LTBP1: variants seen among roughly 807,000 people sequenced by gnomAD.
LTBP1 encodes the protein latent-transforming growth factor beta-binding protein 1.
LTBP1 carries 129 observed loss-of-function variants against 207.6 expected under a neutral mutation model. The ratio of observed to expected loss-of-function variants is 0.62; its 90% confidence interval spans 0.54 to 0.72. LTBP1 has a LOEUF of 0.72. LTBP1 is among the 30% of genes least tolerant of loss of function. The pLI, the probability that LTBP1 is intolerant of heterozygous loss-of-function variation, is 0.00. For synonymous variants in LTBP1, 963 were observed against 833.7 expected, an observed-to-expected ratio of 1.16 and a Z score of -2.67; for missense variants, 2,281 against 2,217.2, an observed-to-expected ratio of 1.03 and a Z score of -0.58.
In LTBP1 at chr2:33,396,469, G is replaced by A. The variant is rs149614405; in HGVS notation, c.4835-664G>A. On this transcript the variant is annotated intron_variant, in intron 32 of 33. Transcript: ENST00000404816. ...ACTCCTGGCCTCAGGCGATCTGCCC[G>A]CCTCAGCCTCCCAAAGTGCTGGGAT... Among the ~76,000 whole-genome samples, 364 of 152,256 alleles carry A rather than the reference G, an allele frequency of 2.4e-3. 2 individuals carry two copies. The highest frequency in any genetic ancestry group is 7.1e-3 in the African/African-American group (294 of 41,550).
rs148755331 is a variant in LTBP1, at chr2:33,077,437, C to A, written c.864-33145C>A. Among the ~76,000 whole-genome samples, 761 of 152,292 alleles carry A rather than the reference C, an allele frequency of 5.0e-3. 4 individuals carry two copies. Among genetic ancestry groups the A allele is most frequent in the Non-Finnish European group, 9.0e-3 (610 of 68,016 alleles). ...ACAGGAAGCACGGCAGCATCTGCTT[C>A]TGGGGAGGCCTCAGGAGCTTTTACT... is the stretch of plus-strand genomic sequence containing the variant. On this transcript the variant is annotated intron_variant, in intron 3 of 33. Transcript: ENST00000404816.
intron 7 of LTBP1, among the ~76,000 whole-genome samples, chr2:33,190,307 C>T (rs902985746): frequency 2.6e-5 from 4 of 152,014 alleles, no homozygotes; most frequent in Admixed American, 6.5e-5. Flanking sequence ...TATTATTATT[C>T]CTCTGCGATG....
intron 15 of LTBP1, among the ~76,000 whole-genome samples, 180 bp from the exon 16 acceptor site, chr2:33,273,476 T>A (rs1356547268): frequency 6.6e-6 from 1 of 152,188 alleles, no homozygotes; most frequent in Non-Finnish European, 1.5e-5. Flanking sequence ...GACTAACTAA[T>A]CCATTATAAA....
chr2:32,997,361 T>C (rs1044530925), intron 2 of LTBP1, among the ~76,000 whole-genome samples: 5 of 152,082 alleles, frequency 3.3e-5, no homozygotes, highest in African/African-American at 9.7e-5. Context: ...AATAAAAAAA[T>C]TTGCAAGGCA....
At chr2:33,376,074 T>A (rs185678217) in intron 31 of LTBP1, among the ~76,000 whole-genome samples, 5 of 152,200 alleles carry the variant, frequency 3.3e-5, no homozygotes, top group Non-Finnish European at 7.4e-5. Flanking sequence ...TTTGAACACT[T>A]TGGTCTCCAT....
intron 4 of LTBP1, among the ~76,000 whole-genome samples, chr2:33,117,279 G>A (rs1379068860): frequency 3.9e-5 from 6 of 152,160 alleles, no homozygotes; most frequent in Non-Finnish European, 8.8e-5. Flanking sequence ...TTAATACTAT[G>A]GTTGAATGTC....
chr2:33,293,300 G>GTA lies in LTBP1; in HGVS notation c.3235+19_3235+20insAT. 1.9e-6 allele frequency: 3 copies of GTA among 1,576,526 alleles called. No individual in the cohort carries two copies. The African/African-American group carries it at 4.1e-5, about 22-fold the overall frequency. Reference sequence around the variant, plus strand: ...CTGTAGAGGTAAATACTGTGATCAAGTTTCCCATTTTTATTTAAACTTCAT... The same window carrying GTA: ...CTGTAGAGGTAAATACTGTGATCAAGTATTTCCCATTTTTATTTAAACTTCAT... On this transcript the variant is annotated intron_variant, in intron 20 of 33. Coordinates refer to ENST00000404816, the MANE Select transcript of LTBP1 (RefSeq NM_206943.4).
At chr2:33,154,354 C>T (rs565912749) in intron 5 of LTBP1, among the ~76,000 whole-genome samples, 1 of 152,276 alleles carries the variant, frequency 6.6e-6, no homozygotes, top group East Asian at 1.9e-4. Context: ...GTATTCCAAA[C>T]ACTCATTTCT....
intron 7 of LTBP1, among the ~76,000 whole-genome samples, chr2:33,200,808 TG>T (rs1173080015): frequency 6.6e-6 from 1 of 152,036 alleles, no homozygotes; most frequent in Non-Finnish European, 1.5e-5. Flanking sequence ...CATCAAAAAG[TG>T]GGCGAAGGAT....
intron 16 of LTBP1, among the ~76,000 whole-genome samples, chr2:33,273,988 G>A (rs1202237152): frequency 6.6e-6 from 1 of 151,918 alleles, no homozygotes; most frequent in Non-Finnish European, 1.5e-5. Context: ...TGTTTACCTC[G>A]CAAATGTAAT....
intron 4 of LTBP1, among the ~76,000 whole-genome samples, chr2:33,131,110 C>G (rs112953879): frequency 2.6e-5 from 4 of 152,312 alleles, no homozygotes; most frequent in African/African-American, 9.6e-5. Flanking sequence ...TCCTGTGAGT[C>G]TTGGATCTCT....
chr2:32,977,004 G>T (rs1267746897), intron 2 of LTBP1, among the ~76,000 whole-genome samples: 1 of 152,236 alleles, frequency 6.6e-6, no homozygotes, highest in South Asian at 2.1e-4. Context: ...AGCATGCCTG[G>T]CCCCTCTGCC....
At chr2:33,242,624 C>T (rs1244622862) in intron 9 of LTBP1, among the ~76,000 whole-genome samples, 1 of 151,318 alleles carries the variant, frequency 6.6e-6, no homozygotes, top group Non-Finnish European at 1.5e-5. Context: ...TCCTTGACTC[C>T]TTTCTCTTAC....
At chr2:33,042,388 G>A (rs1415496347) in intron 3 of LTBP1, among the ~76,000 whole-genome samples, 2 of 152,162 alleles carry the variant, frequency 1.3e-5, no homozygotes, top group Non-Finnish European at 2.9e-5. Context: ...TGAAGATGAG[G>A]TTTTTTCTGT....
Position 33,135,571 on chromosome 2 carries a change from T to G in LTBP1, c.1201+611T>G, listed in dbSNP as rs144528188. ...GTAGATTACTCTCAGTACTCCTTTT[T>G]TACGTGGATTTGGGGAAGACAGACT... On this transcript the variant is annotated intron_variant, in intron 5 of 33. Coordinates refer to ENST00000404816, the MANE Select transcript of LTBP1 (RefSeq NM_206943.4). Among the ~76,000 whole-genome samples, 482 of 148,906 alleles carry G rather than the reference T, an allele frequency of 3.2e-3. 2 individuals are homozygous for G. Among genetic ancestry groups the G allele is most frequent in the African/African-American group, 0.011 (471 of 41,368 alleles).
At chr2:32,961,693 C>G (rs1165035403) in intron 2 of LTBP1, among the ~76,000 whole-genome samples, 1 of 152,128 alleles carries the variant, frequency 6.6e-6, no homozygotes, top group Non-Finnish European at 1.5e-5. Flanking sequence ...TGCCTGTAAT[C>G]CCAGCACTTT....
chr2:32,971,664 A>C (rs184196059), intron 2 of LTBP1, among the ~76,000 whole-genome samples: 25 of 152,168 alleles, frequency 1.6e-4, no homozygotes, highest in African/African-American at 6.0e-4. Flanking sequence ...TGGTAGATTA[A>C]ATTTTTGATG....
chr2:33,028,381 T>C (rs1268744583), intron 3 of LTBP1, among the ~76,000 whole-genome samples: 1 of 152,128 alleles, frequency 6.6e-6, no homozygotes, highest in Non-Finnish European at 1.5e-5. Flanking sequence ...TTCAAAACCA[T>C]GTGAGAGGCC....
chr2:33,311,535 G>GAA (rs11450471), intron 23 of LTBP1, among the ~76,000 whole-genome samples: 10,407 of 138,240 alleles, frequency 0.075, 407 homozygotes, highest in Middle Eastern at 0.11. Context: ...CCAAGAGATG[G>GAA]AAAAAAAAAA....
Sources: allele counts gnomAD v4.1 joint callset (sites outside exome capture counted in the v4.1 genomes callset), GRCh38; gene constraint gnomAD v4.1.1; transcripts MANE v1.5; gene names NCBI Gene and HGNC (gene_info 2026-07-23, HGNC 2026-07-21).